The following GAB1 variants were observed in gnomAD, a reference collection of about 807,000 sequenced individuals.
The protein encoded by GAB1 is GRB2-associated-binding protein 1.
GAB1 carries 19 observed loss-of-function variants against 66.5 expected under a neutral mutation model. That is an observed-to-expected ratio of 0.29 (90% CI 0.20 to 0.42). The LOEUF (loss-of-function observed/expected upper bound fraction) is 0.42, where lower values mean the gene tolerates loss of function less well. GAB1 is among the 10% of genes least tolerant of loss of function. The probability of loss-of-function intolerance (pLI) is 1.00; values close to 1 mark genes in which losing one functional copy is unlikely to be tolerated. For missense variants in GAB1, 732 were observed against 858.5 expected (o/e 0.85, Z 1.84); for synonymous variants, 294 against 301.4 (o/e 0.98, Z 0.25).
rs1733172489 is a variant in GAB1 at position 143,423,819 on chromosome 4, T to TATATAC, written c.367+8053_367+8054insCATATA. The stretch of plus-strand genomic sequence containing the variant: ...ATATATATATATATATATATATATA[T>TATATAC]ATATATATATATATATATGTCTTCA... On this transcript the variant is annotated intron_variant, in intron 2 of 9. Transcript: ENST00000262994. 4.8e-5 allele frequency among the ~76,000 whole-genome samples: 6 copies of TATATAC among 126,124 alleles called. 1 individual carries two copies. The highest frequency in any genetic ancestry group is 1.8e-4 in the African/African-American group (6 of 34,002). 82.7% of individuals were successfully genotyped at this position (126,124 alleles called of 152,430 possible).
chr4:143,449,597 A>C (rs918370657), intron 6 of GAB1, among the ~76,000 whole-genome samples: 2 of 152,016 alleles, frequency 1.3e-5, no homozygotes, highest in African/African-American at 4.8e-5. Context: ...GTTTTATCTG[A>C]GACTAGGATT....
At chr4:143,450,609 G>C (rs986410056) in intron 6 of GAB1, among the ~76,000 whole-genome samples, 21 of 152,222 alleles carry the variant, frequency 1.4e-4, no homozygotes, top group African/African-American at 4.8e-4. Context: ...AAGCAAAAAT[G>C]GCTGGGCACA....
At chr4:143,400,349 T>C (rs1228642227) in intron 1 of GAB1, among the ~76,000 whole-genome samples, 1 of 152,152 alleles carries the variant, frequency 6.6e-6, no homozygotes, top group Non-Finnish European at 1.5e-5. Context: ...TATGGCTGCC[T>C]CCTAAGCCAT....
chr4:143,369,961 T>C (rs1027354749), intron 1 of GAB1, among the ~76,000 whole-genome samples: 1 of 152,246 alleles, frequency 6.6e-6, no homozygotes, highest in African/African-American at 2.4e-5. Context: ...AAAGGAGATA[T>C]GTCTAACAAT....
chr4:143,396,934 A>C (rs909894799), intron 1 of GAB1, among the ~76,000 whole-genome samples: 2 of 152,184 alleles, frequency 1.3e-5, no homozygotes, highest in Admixed American at 6.5e-5. Context: ...AACACAGAGA[A>C]AGGCAGAGAG....
intron 2 of GAB1, among the ~76,000 whole-genome samples, chr4:143,429,295 G>T (rs1418197691): frequency 6.6e-6 from 1 of 152,164 alleles, no homozygotes; most frequent in East Asian, 1.9e-4. Context: ...TAGAGATGGG[G>T]TTTCAACCAT....
At chr4:143,344,392 TC>T (rs796698204) in intron 1 of GAB1, among the ~76,000 whole-genome samples, 19 of 152,362 alleles carry the variant, frequency 1.2e-4, no homozygotes, top group African/African-American at 4.1e-4. Flanking sequence ...TAGAGCTCCA[TC>T]TGAATTTGCC....
chr4:143,370,288 A>T (rs1358877632), intron 1 of GAB1, among the ~76,000 whole-genome samples: 2 of 152,230 alleles, frequency 1.3e-5, no homozygotes, highest in Non-Finnish European at 2.9e-5. Context: ...GTCTGCAGTC[A>T]AGGGAGACTG....
At chr4:143,464,952 C>T (rs528557724) in intron 8 of GAB1, among the ~76,000 whole-genome samples, 1 of 152,264 alleles carries the variant, frequency 6.6e-6, no homozygotes, top group East Asian at 1.9e-4. Flanking sequence ...TTTTATTCAT[C>T]ATAACATGTA....
intron 1 of GAB1, among the ~76,000 whole-genome samples, chr4:143,407,247 G>A (rs1732097124): frequency 6.6e-6 from 1 of 151,198 alleles, no homozygotes; most frequent in Non-Finnish European, 1.5e-5. Context: ...TAAATACTAA[G>A]GGGTTTTTGT....
At chr4:143,397,794 T>C (rs1433543210) in intron 1 of GAB1, among the ~76,000 whole-genome samples, 1 of 152,218 alleles carries the variant, frequency 6.6e-6, no homozygotes, top group Non-Finnish European at 1.5e-5. Flanking sequence ...AAAATATATC[T>C]TTCCAAGGTC....
chr4:143,371,342 G>A (rs562326912), intron 1 of GAB1, among the ~76,000 whole-genome samples: 7 of 152,326 alleles, frequency 4.6e-5, no homozygotes, highest in Admixed American at 4.6e-4. Context: ...CTGCATAAAT[G>A]TCTCCTTTTG....
chr4:143,373,310 T>C (rs1406227282), intron 1 of GAB1, among the ~76,000 whole-genome samples: 1 of 152,238 alleles, frequency 6.6e-6, no homozygotes, highest in Non-Finnish European at 1.5e-5. Context: ...ATCTAGGTGT[T>C]TAATATAATT....
chr4:143,446,790 T>G (rs1734576720), intron 6 of GAB1, among the ~76,000 whole-genome samples: 1 of 151,574 alleles, frequency 6.6e-6, no homozygotes, highest in South Asian at 2.1e-4. Flanking sequence ...CAGAAGCTCT[T>G]TAGTTTAATT....
intron 2 of GAB1, among the ~76,000 whole-genome samples, chr4:143,423,828 A>ATATATATATG: frequency 9.8e-6 from 1 of 101,688 alleles, no homozygotes; most frequent in Non-Finnish European, 2.0e-5. Context: ...ATATATATAT[A>ATATATATATG]TATATATATG....
At chr4:143,403,514 G>A (rs1008378924) in intron 1 of GAB1, among the ~76,000 whole-genome samples, 2 of 152,194 alleles carry the variant, frequency 1.3e-5, no homozygotes, top group African/African-American at 2.4e-5. Context: ...AAATAAATAG[G>A]CAATCGTCTT....
At chr4:143,354,450 A>G (rs1729360284) in intron 1 of GAB1, among the ~76,000 whole-genome samples, 1 of 152,152 alleles carries the variant, frequency 6.6e-6, no homozygotes, top group Admixed American at 6.5e-5. Context: ...AACATTGAGA[A>G]ATCACTTATA....
intron 2 of GAB1, among the ~76,000 whole-genome samples, chr4:143,423,792 G>GTATATATATATATATATA (rs35559967): frequency 5.9e-5 from 4 of 67,734 alleles, no homozygotes; most frequent in Non-Finnish European, 1.1e-4. Flanking sequence ...AAAAAAAAGT[G>GTATATATATATATATATA]TATATATATA....
At chr4:143,392,570 A>G (rs998635861) in intron 1 of GAB1, among the ~76,000 whole-genome samples, 3 of 152,268 alleles carry the variant, frequency 2.0e-5, no homozygotes, top group Non-Finnish European at 4.4e-5. Context: ...TGTTAAGAGT[A>G]GGACCTTGCC....
Sources: gnomAD v4.1 joint callset for allele counts (sites outside exome capture counted in the v4.1 genomes callset) on GRCh38, gnomAD v4.1.1 for gene constraint, MANE v1.5 for transcripts, NCBI Gene and HGNC (gene_info 2026-07-23, HGNC 2026-07-21) for gene names.